The following MBNL3 variants were observed in gnomAD, a reference collection of about 807,000 sequenced individuals.
MBNL3 encodes the protein muscleblind like splicing regulator 3.
MBNL3 carries 6 observed loss-of-function variants against 24.5 expected under a neutral mutation model. That is an observed-to-expected ratio of 0.25 (90% CI 0.13 to 0.48). The LOEUF (loss-of-function observed/expected upper bound fraction) is 0.48. MBNL3 is among the 20% of genes least tolerant of loss of function. MBNL3 has a pLI of 0.99. For synonymous variants in MBNL3, 100 were observed against 101.7 expected (o/e 0.98, Z 0.10); for missense variants, 230 against 293.5 (o/e 0.78, Z 1.58).
At chrX:132,406,053 C>G (rs980958303) in intron 3 of MBNL3, among the ~76,000 whole-genome samples, 175 bp downstream of exon 3, 1 of 111,135 alleles carries the variant, frequency 9.0e-6, no homozygotes, top group African/African-American at 3.3e-5. Flanking sequence ...ACTCATGCAG[C>G]CAGGTTTTCA....
intron 2 of MBNL3, among the ~76,000 whole-genome samples, chrX:132,433,792 A>C (rs1603246811): frequency 9.3e-6 from 1 of 107,420 alleles, no homozygotes; most frequent in Non-Finnish European, 1.9e-5. Context: ...CTCCCCCTTC[A>C]TGGCTCTGCT....
chrX:132,444,729 T>G (rs1387605939), intron 1 of MBNL3, among the ~76,000 whole-genome samples: 1 of 111,575 alleles, frequency 9.0e-6, no homozygotes, highest in East Asian at 2.8e-4. Context: ...ATAAGGAAAA[T>G]GTAGAAACTT....
chrX:132,453,193 G>A (rs1946196799), intron 1 of MBNL3, among the ~76,000 whole-genome samples: 1 of 111,247 alleles, frequency 9.0e-6, no homozygotes, highest in Non-Finnish European at 1.9e-5. Flanking sequence ...GACCTAAGGA[G>A]TATATATTTG....
At chrX:132,400,036 G>A (rs1940595580) in intron 3 of MBNL3, among the ~76,000 whole-genome samples, 1 of 110,315 alleles carries the variant, frequency 9.1e-6, no homozygotes, top group Admixed American at 9.7e-5. Context: ...TTATCTCACG[G>A]GAATATATAA....
Position 132,373,801 on chromosome X carries a change from T to C in MBNL3, c.*5865A>G, listed in dbSNP as rs1157409408. Reference sequence around the variant, plus strand: ...AAACATTGTCTTCCAGCTCCTGTGTTACGTAAGATTTTGGCTGGTTCTCTT... The same window carrying C: ...AAACATTGTCTTCCAGCTCCTGTGTCACGTAAGATTTTGGCTGGTTCTCTT... On this transcript the variant is annotated 3_prime_UTR_variant, in exon 9 of 9. Transcript: ENST00000370853. 3 of 111,804 alleles carry C rather than the reference T, an allele frequency of 2.7e-5. No individual in the cohort carries two copies. Among genetic ancestry groups the C allele is most frequent in the Non-Finnish European group, 5.7e-5 (3 of 53,032 alleles). The allele number at this position is 111,804 out of a possible 1,213,427, so 9.2% of individuals were successfully genotyped here.
At chrX:132,449,476 T>TTC (rs1321690920) in intron 1 of MBNL3, among the ~76,000 whole-genome samples, 2 of 91,429 alleles carry the variant, frequency 2.2e-5, no homozygotes, top group African/African-American at 8.5e-5. Flanking sequence ...TTTTTTTTTT[T>TTC]TTTTTTTTTT....
chrX:132,400,952 T>C (rs763490184), intron 3 of MBNL3, among the ~76,000 whole-genome samples: 41 of 111,947 alleles, frequency 3.7e-4, no homozygotes, highest in African/African-American at 1.3e-3. Flanking sequence ...GCAAAAATCA[T>C]TTACAAAACA....
intron 4 of MBNL3, among the ~76,000 whole-genome samples, chrX:132,391,870 A>G (rs1937224377): frequency 8.9e-6 from 1 of 111,876 alleles, no homozygotes. Context: ...TGAAAGCTGG[A>G]GCCTAGGTAA....
chrX:132,382,874 A>C (rs1219000110), intron 7 of MBNL3, among the ~76,000 whole-genome samples: 1 of 112,062 alleles, frequency 8.9e-6, no homozygotes, highest in African/African-American at 3.2e-5. Context: ...TGGACTATGC[A>C]TGCAGGTTTT....
rs1490748713 is a variant in MBNL3, at chrX:132,369,802, C to T, written c.*9864G>A. The T allele has an allele frequency of 8.9e-6, 1 of 112,212 alleles. No homozygotes were observed. Among genetic ancestry groups the T allele is most frequent in the African/African-American group, 3.2e-5 (1 of 30,819 alleles). The allele number at this position is 112,212 out of a possible 1,213,427, so 9.2% of individuals were successfully genotyped here. A position where few individuals can be genotyped will look rare whatever the true frequency, so the allele number is the denominator to read the frequency against. The stretch of plus-strand genomic sequence containing the variant: ...ATAGCTCCCTCTCTCATCAGGAAAA[C>T]TGGATTTGTGTGTCTATGTCTGTTG... On this transcript the variant is annotated 3_prime_UTR_variant, in exon 9 of 9. Transcript: ENST00000370853.
In MBNL3 at chrX:132,392,186, G is replaced by A; in HGVS notation, c.491C>T (p.Pro164Leu). ...CATCAGTTTTGGGCCAACAGCTCCT[G>A]GCATTGCAAGAGGTGGGTTTCCAGG... is the stretch of plus-strand genomic sequence containing the variant. The part of the protein sequence containing the change: ...LIPGNPPLAM[P>L]GAVGPKLMRS... The change falls in exon 4 of 9, where the codon CCA becomes CTA. Residue 164 changes from proline (P) to leucine (L), a missense_variant. Coordinates refer to ENST00000370853, the MANE Select transcript of MBNL3 (RefSeq NM_001386889.1). 1 of 1,209,135 alleles carries A rather than the reference G, an allele frequency of 8.3e-7. No homozygotes were observed. Among genetic ancestry groups the A allele is most frequent in the Middle Eastern group, 2.3e-4 (1 of 4,337 alleles).
At chrX:132,457,514 T>A (rs1946432014) in intron 1 of MBNL3, among the ~76,000 whole-genome samples, 1 of 111,024 alleles carries the variant, frequency 9.0e-6, no homozygotes, top group Non-Finnish European at 1.9e-5. Flanking sequence ...ACATTTATAC[T>A]GAAGTGAAGA....
intron 3 of MBNL3, among the ~76,000 whole-genome samples, chrX:132,394,548 C>G (rs754516193): frequency 8.9e-6 from 1 of 112,154 alleles, no homozygotes; most frequent in Non-Finnish European, 1.9e-5. Flanking sequence ...CCAGCCCATT[C>G]TCCTGCATAC....
chrX:132,446,121 G>A (rs922343865), intron 1 of MBNL3, among the ~76,000 whole-genome samples: 2 of 111,897 alleles, frequency 1.8e-5, no homozygotes. Flanking sequence ...CAAAGGACGT[G>A]AACTCATCCT....
Position 132,439,561 on chromosome X carries a change from T to C in MBNL3, c.51A>G (p.Leu17=). Residue 17 remains leucine (L), a synonymous_variant, in exon 2 of 9, where the codon TTA becomes TTG. Transcript: ENST00000370853. The part of the protein sequence containing the change: ...ALIRDTKWLT[L]EVCREFQRGT... ...CTCTCTGAAATTCTCTACAGACTTC[T>C]AAAGTCAGCCACTTGGTATCACGAA... 1 of 1,207,115 alleles carries C rather than the reference T, an allele frequency of 8.3e-7. No individual in the cohort carries two copies. Among genetic ancestry groups the C allele is most frequent in the Non-Finnish European group, 1.1e-6 (1 of 893,995 alleles).
intron 2 of MBNL3, among the ~76,000 whole-genome samples, chrX:132,414,684 C>T (rs757010361): frequency 9.0e-6 from 1 of 111,443 alleles, no homozygotes; most frequent in South Asian, 3.9e-4. Context: ...ATCATATTCC[C>T]GTTAACATCT....
chrX:132,468,288 T>C (rs1196668668), intron 1 of MBNL3, among the ~76,000 whole-genome samples: 1 of 112,258 alleles, frequency 8.9e-6, no homozygotes, highest in Admixed American at 9.5e-5. Context: ...CATGTGACAT[T>C]ATAAAACTCT....
chrX:132,480,404 G>A (rs917119365), intron 1 of MBNL3, among the ~76,000 whole-genome samples: 3 of 112,070 alleles, frequency 2.7e-5, no homozygotes, highest in Middle Eastern at 9.2e-3. Context: ...TGATATTAAA[G>A]GTTTTCAAGT....
chrX:132,478,533 C>G (rs1408547624), intron 1 of MBNL3, among the ~76,000 whole-genome samples: 1 of 112,147 alleles, frequency 8.9e-6, no homozygotes, highest in Non-Finnish European at 1.9e-5. Context: ...CACTAAAACA[C>G]TGACTTTTAA....
Sources: gnomAD v4.1 joint callset for allele counts (sites outside exome capture counted in the v4.1 genomes callset) on GRCh38, gnomAD v4.1.1 for gene constraint, MANE v1.5 for transcripts, NCBI Gene and HGNC (gene_info 2026-07-23, HGNC 2026-07-21) for gene names.